HIVEP1: variants seen among roughly 807,000 people sequenced by gnomAD.
HIVEP1 encodes HIVEP zinc finger 1.
In HIVEP1, 36 loss-of-function variants were observed where a neutral mutation model predicts 180.0. The ratio of observed to expected loss-of-function variants is 0.20; its 90% CI spans 0.15 to 0.26. The LOEUF (loss-of-function observed/expected upper bound fraction) is 0.26, where lower values mean the gene tolerates loss of function less well. Ranked by LOEUF, HIVEP1 falls within the 10% of genes least tolerant of loss-of-function variation. The probability of loss-of-function intolerance (pLI) is 1.00; values close to 1 mark genes in which losing one functional copy is unlikely to be tolerated. For synonymous variants in HIVEP1, 1,239 were observed against 1,239.0 expected (o/e 1.00, Z 0.00); for missense variants, 3,143 against 3,268.7 (o/e 0.96, Z 0.94).
At chr6:12,073,619 C>A (rs951605340) in intron 2 of HIVEP1, among the ~76,000 whole-genome samples, 2 of 152,180 alleles carry the variant, frequency 1.3e-5, no homozygotes, top group Admixed American at 1.3e-4. Flanking sequence ...GTCAACACAT[C>A]TAGTTTCTGC....
chr6:12,099,740 C>T lies in HIVEP1; in HGVS notation c.94+10503C>T, dbSNP rs964097699. Among the ~76,000 whole-genome samples the T allele has an allele frequency of 2.0e-5, 3 of 152,016 alleles. No individual in the cohort carries two copies. In the South Asian group the frequency reaches 6.2e-4, roughly 32 times the overall value. Reference sequence around the variant, plus strand: ...GGCATTTGACAAATGTTTATTGAATCGATGATGGATGGTAGAGGTGTCAGA... The same window carrying T: ...GGCATTTGACAAATGTTTATTGAATTGATGATGGATGGTAGAGGTGTCAGA... On this transcript the variant is annotated intron_variant, in intron 3 of 8. Coordinates refer to ENST00000379388, the MANE Select transcript of HIVEP1 (RefSeq NM_002114.4).
chr6:12,091,842 C>T (rs868038728), intron 3 of HIVEP1, among the ~76,000 whole-genome samples: 1 of 152,112 alleles, frequency 6.6e-6, no homozygotes, highest in African/African-American at 2.4e-5. Flanking sequence ...ATTCTTAACA[C>T]ACATTGTGCT....
rs1179938140 is a variant in HIVEP1, at chr6:12,119,944, G to C, written c.149G>C (p.Arg50Pro). The C allele has an allele frequency of 6.2e-7, 1 of 1,600,810 alleles. No homozygotes were observed. The highest frequency in any genetic ancestry group is 1.8e-5 in the Admixed American group (1 of 56,024). ...TCGGAATCCCTTAAAGGTGTGAAAC[G>C]CAAAAAGATCGTAGCTGAGAATCAC... ...GTSESLKGVK[R>P]KKIVAENHLK... Residue 50 changes from arginine to proline, a missense_variant, in exon 4 of 9, where the codon CGC becomes CCC. By Grantham distance (103) the Arg-to-Pro change is moderately radical. Coordinates refer to ENST00000379388, the MANE Select transcript of HIVEP1 (RefSeq NM_002114.4).
At chr6:12,082,781 G>T (rs995747978) in intron 2 of HIVEP1, among the ~76,000 whole-genome samples, 1 of 152,140 alleles carries the variant, frequency 6.6e-6, no homozygotes, top group African/African-American at 2.4e-5. Flanking sequence ...CTAAGTTCCT[G>T]CATGCAGGGT....
chr6:12,055,227 C>T (rs1191576344), intron 2 of HIVEP1, among the ~76,000 whole-genome samples: 1 of 152,246 alleles, frequency 6.6e-6, no homozygotes, highest in Admixed American at 6.5e-5. Context: ...GTAATCCCAT[C>T]ACTTTGGGAG....
chr6:12,009,417 T>G (rs370062616), upstream of HIVEP1, among the ~76,000 whole-genome samples: 5 of 152,324 alleles, frequency 3.3e-5, 1 homozygote, highest in African/African-American at 1.2e-4. Flanking sequence ...CCAGAAGCGT[T>G]CACGCGGACG....
chr6:12,106,983 G>GT (rs1247379971), intron 3 of HIVEP1, among the ~76,000 whole-genome samples: 8 of 152,232 alleles, frequency 5.3e-5, no homozygotes. Flanking sequence ...GGTTTTTCAG[G>GT]TATCTTTCTG....
intron 7 of HIVEP1, among the ~76,000 whole-genome samples, chr6:12,152,187 C>A (rs534791157): frequency 1.8e-4 from 27 of 152,090 alleles, no homozygotes; most frequent in Middle Eastern, 3.4e-3. Flanking sequence ...AAGACAACAA[C>A]AAAAAAACCA....
At chr6:12,071,987 A>C (rs919820121) in intron 2 of HIVEP1, among the ~76,000 whole-genome samples, 1 of 152,182 alleles carries the variant, frequency 6.6e-6, no homozygotes, top group Non-Finnish European at 1.5e-5. Context: ...CTTCTTATAA[A>C]TTGGGATTTG....
chr6:12,107,894 C>T (rs1023337017), intron 3 of HIVEP1, among the ~76,000 whole-genome samples: 5 of 152,160 alleles, frequency 3.3e-5, no homozygotes, highest in African/African-American at 7.2e-5. Flanking sequence ...CGTTTACAAT[C>T]GCTGAGCTAG....
intron 3 of HIVEP1, among the ~76,000 whole-genome samples, chr6:12,102,912 GTTTTA>G (rs1223109300): frequency 2.6e-5 from 4 of 151,942 alleles, no homozygotes; most frequent in East Asian, 1.9e-4. Context: ...TTTTATGTTT[GTTTTA>G]TTTTAATAGT....
intron 2 of HIVEP1, among the ~76,000 whole-genome samples, chr6:12,066,981 T>C (rs1581615878): frequency 6.6e-6 from 1 of 152,002 alleles, no homozygotes; most frequent in East Asian, 1.9e-4. Flanking sequence ...ACAACAATAA[T>C]AATAGTAATG....
the HIVEP1 span, among the ~76,000 whole-genome samples, chr6:12,201,630 T>A: frequency 3.3e-5 from 5 of 152,250 alleles, no homozygotes; most frequent in Non-Finnish European, 5.9e-5. Flanking sequence ...AAGCTGCTAA[T>A]AGGCTTCTCT....
intron 2 of HIVEP1, among the ~76,000 whole-genome samples, chr6:12,041,583 TTTAATTTG>T (rs1194200497): frequency 1.3e-5 from 2 of 152,042 alleles, no homozygotes; most frequent in African/African-American, 2.4e-5. Flanking sequence ...ACATGCAGAT[TTTAATTTG>T]TTAATTTGTT....
chr6:12,015,130 C>T (rs1160817660), intron 1 of HIVEP1, among the ~76,000 whole-genome samples: 2 of 152,220 alleles, frequency 1.3e-5, no homozygotes, highest in African/African-American at 4.8e-5. Context: ...AGTAGCAACC[C>T]CTTGTATTAA....
chr6:12,030,444 G>A (rs1216243193), intron 2 of HIVEP1, among the ~76,000 whole-genome samples: 1 of 152,018 alleles, frequency 6.6e-6, no homozygotes, highest in Non-Finnish European at 1.5e-5. Flanking sequence ...AGGTCTCTGA[G>A]GGTCTGTTAA....
At chr6:12,079,813 A>G (rs949575869) in intron 2 of HIVEP1, among the ~76,000 whole-genome samples, 2 of 152,156 alleles carry the variant, frequency 1.3e-5, no homozygotes, top group South Asian at 2.1e-4. Context: ...TAATACAACA[A>G]ATTTGATTCT....
intron 2 of HIVEP1, chr6:12,037,967 G>C (rs1289070628): frequency 7.8e-6 from 3 of 386,302 alleles, no homozygotes; most frequent in Non-Finnish European, 1.4e-5. Context: ...CTCCTGTGTT[G>C]GCCCCCCAAA....
In HIVEP1 at chr6:12,089,223, A is replaced by T; in HGVS notation, c.80A>T (p.Glu27Val). 6.4e-7 allele frequency: 1 copy of T among 1,567,846 alleles called. No individual in the cohort carries two copies. The highest frequency in any genetic ancestry group is 8.8e-7 in the Non-Finnish European group (1 of 1,141,682). Reference protein sequence around the residue: ...EEAQKELNGAEVSKKEILQAG... With the variant: ...EEAQKELNGAVVSKKEILQAG... ...GCACAAAAAGAACTTAATGGGGCAG[A>T]AGTTTCAAAAAAAGGTAAATTAAAA... The change falls in exon 3 of 9, where the codon GAA (glutamate) becomes GTA (valine). Residue 27 changes from glutamate to valine, a missense_variant. Glu to Val is a moderately radical substitution (Grantham distance 121, BLOSUM62 -2). This residue lies in a region of HIVEP1 where 114 missense variants were observed against 134.5 expected (regional missense o/e 0.85). Transcript: ENST00000379388.
Sources: gnomAD v4.1 joint callset for allele counts (sites outside exome capture counted in the v4.1 genomes callset) on GRCh38, gnomAD v4.1.1 for gene constraint, gnomAD v4.1.1 regional missense constraint, MANE v1.5 for transcripts, NCBI Gene and HGNC (gene_info 2026-07-23, HGNC 2026-07-21) for gene names.